The following SF3B3 variants were observed in gnomAD, a reference collection of about 807,000 sequenced individuals.
SF3B3 encodes the protein splicing factor 3b subunit 3.
A neutral mutation model predicts 139.2 loss-of-function variants in SF3B3; 33 were observed. The ratio of observed to expected loss-of-function variants is 0.24; its 90% CI spans 0.18 to 0.32. The LOEUF is 0.32. Among genes scored for constraint, SF3B3 ranks in the 10% least tolerant of loss-of-function variants. The probability of loss-of-function intolerance (pLI) is 1.00; values close to 1 mark genes in which losing one functional copy is unlikely to be tolerated. For missense variants in SF3B3, 818 were observed against 1,509.4 expected, an observed-to-expected ratio of 0.54 and a Z score of 7.59; for synonymous variants, 596 against 563.6, an observed-to-expected ratio of 1.06 and a Z score of -0.81.
rs2050538307 is a variant in SF3B3, at chr16:70,572,447, G to A, written c.*634G>A. On this transcript the variant is annotated 3_prime_UTR_variant, in exon 26 of 26. Transcript: ENST00000302516. ...GTGGCTCCCCACCCCCAGGTCTGTG[G>A]TGGTTTCTTTGTTTTTTCCTGGTTC... 7 of 185,398 alleles carry A rather than the reference G, an allele frequency of 3.8e-5. No homozygotes were observed. The South Asian group carries it at 7.2e-4, about 19-fold the overall frequency. 11.5% of individuals were successfully genotyped at this position (185,398 alleles called of 1,614,324 possible).
In SF3B3 at chr16:70,535,289, G is replaced by A. The variant is rs767587616; in HGVS notation, c.713-19G>A. ...ATGTCTGAGTCAAAGTCACTGCTAAGTTTTATTTTCTCTCACAGTTCCAGG... is the reference window on the plus strand; with the variant it reads ...ATGTCTGAGTCAAAGTCACTGCTAAATTTTATTTTCTCTCACAGTTCCAGG... On this transcript the variant is annotated intron_variant, in intron 5 of 25. Coordinates refer to ENST00000302516, the MANE Select transcript of SF3B3 (RefSeq NM_012426.5). The A allele has an allele frequency of 1.8e-5, 25 of 1,376,838 alleles. No individual in the cohort carries two copies. The highest frequency in any genetic ancestry group is 2.5e-5 in the Non-Finnish European group (25 of 993,162). 85.3% of individuals were successfully genotyped at this position (1,376,838 alleles called of 1,614,324 possible).
chr16:70,539,230 T>A (rs1400038381), intron 8 of SF3B3, 23 bp downstream of exon 8: 1 of 1,518,776 alleles, frequency 6.6e-7, no homozygotes, highest in Non-Finnish European at 9.1e-7. Flanking sequence ...TCTGTTACCC[T>A]AGTTCACCCT....
chr16:70,568,925 C>T lies in SF3B3; in HGVS notation c.3166-118C>T, dbSNP rs1200611047. The T allele has an allele frequency of 1.5e-5, 10 of 657,904 alleles. No homozygotes were observed. In the Admixed American group the frequency reaches 2.1e-4, roughly 14 times the overall value. The allele number at this position is 657,904 out of a possible 1,614,324, so 40.8% of individuals were successfully genotyped here. ...AGGTGCAGGACACGTGGGCTCAGGCCTCTGTCTAGGCAGTGCCCCTGTGGC... is the reference window on the plus strand; with the variant it reads ...AGGTGCAGGACACGTGGGCTCAGGCTTCTGTCTAGGCAGTGCCCCTGTGGC... On this transcript the variant is annotated intron_variant, in intron 22 of 25. Coordinates refer to ENST00000302516, the MANE Select transcript of SF3B3 (RefSeq NM_012426.5).
At position 70,576,779 on chromosome 16, in the gene SF3B3, G is replaced by A. The variant is rs765198584; in HGVS notation, c.*4966G>A. On this transcript the variant is annotated 3_prime_UTR_variant, in exon 26 of 26. Transcript: ENST00000302516. ...GCACTGTATACAGTCAGATGACCTG[G>A]GCTCACTAGCCTCTAAGCATAGTCT... 2.0e-5 allele frequency: 3 copies of A among 152,152 alleles called. No homozygotes were observed. The highest frequency in any genetic ancestry group is 4.4e-5 in the Non-Finnish European group (3 of 68,054). The allele number at this position is 152,152 out of a possible 1,614,324, so 9.4% of individuals were successfully genotyped here. A position where few individuals can be genotyped will look rare whatever the true frequency, so the allele number is the denominator to read the frequency against.
chr16:70,563,777 C>T (rs745885162), intron 17 of SF3B3, 99 bp from the exon 18 acceptor site: 168 of 1,134,070 alleles, frequency 1.5e-4, no homozygotes, highest in Non-Finnish European at 2.0e-4. Context: ...CGTTAGAGCT[C>T]CAGGGATTGA....
At chr16:70,559,884 G>C (rs1293753380) in intron 15 of SF3B3, among the ~76,000 whole-genome samples, 1 of 151,198 alleles carries the variant, frequency 6.6e-6, no homozygotes, top group East Asian at 1.9e-4. Flanking sequence ...TTACAGATGT[G>C]AGCCACCTCA....
intron 18 of SF3B3, among the ~76,000 whole-genome samples, chr16:70,564,574 A>C (rs1253581708): frequency 6.6e-6 from 1 of 152,188 alleles, no homozygotes; most frequent in Non-Finnish European, 1.5e-5. Flanking sequence ...AGCTTCCAAA[A>C]TAGACTGTAT....
At chr16:70,550,427 C>T (rs1357899284) in intron 11 of SF3B3, 1 of 152,438 alleles carries the variant, frequency 6.6e-6, no homozygotes, top group Non-Finnish European at 1.5e-5. Flanking sequence ...TTGGAAAGGA[C>T]TATATCCTGC....
intron 11 of SF3B3, among the ~76,000 whole-genome samples, chr16:70,553,421 T>C (rs2050347951): frequency 6.6e-6 from 1 of 152,236 alleles, no homozygotes; most frequent in Non-Finnish European, 1.5e-5. Flanking sequence ...CTATAGCTGC[T>C]ACTGCTAGGA....
At chr16:70,566,711 T>C (rs1036976018) in intron 20 of SF3B3, among the ~76,000 whole-genome samples, 3 of 152,176 alleles carry the variant, frequency 2.0e-5, no homozygotes, top group Admixed American at 2.0e-4. Context: ...AAGAAATACT[T>C]CATAGACCCT....
chr16:70,555,020 A>G, intron 12 of SF3B3, 31 bp from the exon 13 acceptor site: 1 of 1,605,238 alleles, frequency 6.2e-7, no homozygotes, highest in Non-Finnish European at 8.5e-7. Flanking sequence ...CAAATTGTTA[A>G]AGTCAGGTTT....
chr16:70,553,697 C>T (rs1010589566), intron 11 of SF3B3, among the ~76,000 whole-genome samples: 39 of 151,872 alleles, frequency 2.6e-4, no homozygotes, highest in African/African-American at 9.2e-4. Context: ...GTAGAAGAAA[C>T]TGAGGGTTTC....
At chr16:70,542,116 A>C (rs1026788882) in intron 9 of SF3B3, among the ~76,000 whole-genome samples, 1 of 152,180 alleles carries the variant, frequency 6.6e-6, no homozygotes, top group African/African-American at 2.4e-5. Flanking sequence ...CCTCCCCGTA[A>C]TCTTCTCACC....
intron 14 of SF3B3, 30 bp from the exon 15 acceptor site, chr16:70,556,856 G>T (rs2050383461): frequency 1.2e-6 from 2 of 1,613,004 alleles, no homozygotes; most frequent in African/African-American, 2.7e-5. Context: ...GTCATTTTCT[G>T]TGTTTTTATG....
intron 20 of SF3B3, chr16:70,565,726 A>C (rs1261102662): frequency 5.3e-6 from 3 of 567,142 alleles, no homozygotes; most frequent in Non-Finnish European, 9.4e-6. Context: ...TGTGCTAACC[A>C]TCCATAATGG....
At position 70,556,085 on chromosome 16, in the gene SF3B3, C is replaced by G. The variant is rs1186047176; in HGVS notation, c.1711-94C>G. 14 of 1,273,686 alleles carry G rather than the reference C, an allele frequency of 1.1e-5. No homozygotes were observed. In the Admixed American group the frequency reaches 2.4e-4, roughly 22 times the overall value. The allele number at this position is 1,273,686 out of a possible 1,614,324, so 78.9% of individuals were successfully genotyped here. On this transcript the variant is annotated intron_variant, in intron 13 of 25. Coordinates refer to ENST00000302516, the MANE Select transcript of SF3B3 (RefSeq NM_012426.5). Reference sequence around the variant, plus strand: ...AAGCAGAACAAAATACAACAGCCCTCCTTCATTCTCTGGATCCAGGGTTTT... The same window carrying G: ...AAGCAGAACAAAATACAACAGCCCTGCTTCATTCTCTGGATCCAGGGTTTT...
intron 10 of SF3B3, among the ~76,000 whole-genome samples, chr16:70,546,533 T>C (rs1377024284): frequency 6.6e-6 from 1 of 151,976 alleles, no homozygotes; most frequent in Non-Finnish European, 1.5e-5. Flanking sequence ...GTGTCTGTAA[T>C]CCCAGCTACT....
chr16:70,568,253 C>G (rs1239424740), intron 21 of SF3B3, 30 bp from the exon 22 acceptor site: 1 of 1,532,488 alleles, frequency 6.5e-7, no homozygotes, highest in Admixed American at 1.7e-5. Context: ...AGATTACACC[C>G]ACCATCACTA....
chr16:70,569,442 A>G (rs2050508151), intron 23 of SF3B3, among the ~76,000 whole-genome samples: 1 of 152,178 alleles, frequency 6.6e-6, no homozygotes, highest in Admixed American at 6.6e-5. Flanking sequence ...TTTAGAAGAC[A>G]AGCCTAGTGA....
Sources: allele counts gnomAD v4.1 joint callset (sites outside exome capture counted in the v4.1 genomes callset), GRCh38; gene constraint gnomAD v4.1.1; transcripts MANE v1.5; gene names NCBI Gene and HGNC (gene_info 2026-07-23, HGNC 2026-07-21).